The following NAV3 variants were observed in gnomAD, a reference collection of about 807,000 sequenced individuals.
The protein encoded by NAV3 is pore membrane and/or filament interacting like protein 1.
NAV3 carries 87 observed loss-of-function variants against 244.7 expected under a neutral mutation model. That is an observed-to-expected ratio of 0.36 (90% confidence interval 0.30 to 0.42). NAV3 has a LOEUF of 0.42. Among genes scored for constraint, NAV3 ranks in the 20% least tolerant of loss-of-function variants. The pLI is 1.00. For synonymous variants in NAV3, 1,126 were observed against 1,042.2 expected (o/e 1.08, Z -1.55); for missense variants, 2,663 against 2,893.3 (o/e 0.92, Z 1.83).
At chr12:77,759,783 G>C (rs567135631) in intron 2 of NAV3, among the ~76,000 whole-genome samples, 6 of 152,000 alleles carry the variant, frequency 3.9e-5, no homozygotes, top group Admixed American at 3.3e-4. Flanking sequence ...AACATTTCTG[G>C]ATCATATTCC....
intron 2 of NAV3, among the ~76,000 whole-genome samples, chr12:77,575,120 G>C (rs1007188037): frequency 1.3e-5 from 2 of 151,130 alleles, no homozygotes; most frequent in Admixed American, 1.3e-4. Context: ...AAAAGTGTTT[G>C]ACTTTATTGG....
intron 2 of NAV3, among the ~76,000 whole-genome samples, chr12:77,624,367 C>T (rs947572494): frequency 3.3e-5 from 5 of 152,102 alleles, no homozygotes; most frequent in Non-Finnish European, 5.9e-5. Context: ...AAGTGCCAAA[C>T]ACGTGGGAAC....
At chr12:77,977,661 A>C (rs1450939070) in intron 5 of NAV3, among the ~76,000 whole-genome samples, 1 of 151,318 alleles carries the variant, frequency 6.6e-6, no homozygotes, top group Non-Finnish European at 1.5e-5. Flanking sequence ...GAAAATCAAT[A>C]AGAGTGTTTA....
intron 2 of NAV3, among the ~76,000 whole-genome samples, chr12:77,663,953 A>G (rs938461048): frequency 2.6e-5 from 4 of 152,226 alleles, no homozygotes; most frequent in African/African-American, 9.6e-5. Context: ...TAAGCAATCA[A>G]TATATTTTTA....
At chr12:77,653,120 A>T (rs1343669029) in intron 2 of NAV3, among the ~76,000 whole-genome samples, 3 of 152,224 alleles carry the variant, frequency 2.0e-5, no homozygotes, top group African/African-American at 7.2e-5. Flanking sequence ...AAGAAGGGTT[A>T]CAGAATGCAA....
At chr12:78,135,318 T>C (rs1565703184) in intron 18 of NAV3, among the ~76,000 whole-genome samples, 1 of 152,202 alleles carries the variant, frequency 6.6e-6, no homozygotes, top group Admixed American at 6.5e-5. Flanking sequence ...GTTATTAACT[T>C]AATTGAACAC....
chr12:77,654,791 C>T (rs1185272065), intron 2 of NAV3, among the ~76,000 whole-genome samples: 3 of 150,652 alleles, frequency 2.0e-5, no homozygotes, highest in East Asian at 3.9e-4. Flanking sequence ...GCAGCATATT[C>T]GCGGTTCATG....
chr12:78,195,637 C>G (rs1959166690), intron 34 of NAV3, among the ~76,000 whole-genome samples: 1 of 151,990 alleles, frequency 6.6e-6, no homozygotes, highest in African/African-American at 2.4e-5. Flanking sequence ...CCACATGCCT[C>G]CTTTATCCTC....
intron 20 of NAV3, among the ~76,000 whole-genome samples, chr12:78,142,742 T>C (rs1211998215): frequency 8.1e-6 from 1 of 124,022 alleles, no homozygotes; most frequent in African/African-American, 3.0e-5. Flanking sequence ...TGTGTGTATA[T>C]ATATATTTAT....
chr12:77,695,834 C>T (rs143237846), intron 2 of NAV3, among the ~76,000 whole-genome samples: 79 of 152,172 alleles, frequency 5.2e-4, no homozygotes, highest in African/African-American at 1.9e-3. Context: ...AAATCCTACC[C>T]TCAGTGCCTC....
intron 8 of NAV3, among the ~76,000 whole-genome samples, chr12:78,011,883 A>G (rs779192168): frequency 6.6e-6 from 1 of 152,150 alleles, no homozygotes; most frequent in African/African-American, 2.4e-5. Context: ...CACGTCTTAC[A>G]TGGCAGCAGG....
chr12:77,784,639 AC>A (rs376630971), intron 2 of NAV3, among the ~76,000 whole-genome samples: 82 of 152,304 alleles, frequency 5.4e-4, no homozygotes, highest in African/African-American at 1.9e-3. Flanking sequence ...ATTCTGAATA[AC>A]AGCACATCAT....
chr12:78,124,507 G>A (rs1336455874), intron 16 of NAV3, among the ~76,000 whole-genome samples: 1 of 152,148 alleles, frequency 6.6e-6, no homozygotes, highest in East Asian at 1.9e-4. Flanking sequence ...AGGCTGGAGG[G>A]CAGTGGTGCC....
intron 2 of NAV3, among the ~76,000 whole-genome samples, chr12:77,804,482 G>C (rs1233393080): frequency 6.6e-6 from 1 of 152,144 alleles, no homozygotes; most frequent in Admixed American, 6.6e-5. Context: ...GATGGTTGTA[G>C]ATGGGTTGCA....
intron 4 of NAV3, among the ~76,000 whole-genome samples, chr12:77,966,666 G>C (rs2731419): frequency 0.99 from 150,515 of 152,146 alleles, 74,473 homozygotes; most frequent in Middle Eastern, 1. Flanking sequence ...TTTAATTAAG[G>C]CTTAAAATAT....
chr12:77,919,227 A>C (rs1887468875), intron 1 of NAV3, among the ~76,000 whole-genome samples: 1 of 152,088 alleles, frequency 6.6e-6, no homozygotes, highest in Admixed American at 6.6e-5. Flanking sequence ...ATCATGAATT[A>C]ATCTAAAGTG....
intron 7 of NAV3, among the ~76,000 whole-genome samples, chr12:78,004,503 A>G (rs1873867218): frequency 1.3e-5 from 2 of 152,240 alleles, no homozygotes; most frequent in South Asian, 2.1e-4. Context: ...TATTTTCCCC[A>G]TGCTGAGATT....
intron 5 of NAV3, among the ~76,000 whole-genome samples, chr12:77,992,207 TC>T (rs1871566701): frequency 6.6e-6 from 1 of 152,170 alleles, no homozygotes; most frequent in African/African-American, 2.4e-5. Flanking sequence ...TCATTTCAAT[TC>T]AAATATTCGA....
At position 78,051,076 on chromosome 12, in the gene NAV3, C is replaced by T. The variant is rs372264864; in HGVS notation, c.2445C>T (p.Val815=). The change falls in exon 11 of 40, where the codon GTC becomes GTT. Residue 815 remains valine, a synonymous_variant. Coordinates refer to ENST00000397909, the MANE Select transcript of NAV3 (RefSeq NM_001024383.2). ...ASSDLDMSSE[V]DVGGYMSDGD... ...GTGACCTGGACATGTCTTCTGAGGT[C>T]GATGTGGGTGGATATATGAGTGATG... 27 of 1,613,820 alleles carry T rather than the reference C, an allele frequency of 1.7e-5. No homozygotes were observed. The Admixed American group carries it at 2.0e-4, about 12-fold the overall frequency.
Sources: allele counts gnomAD v4.1 joint callset (sites outside exome capture counted in the v4.1 genomes callset), GRCh38; gene constraint gnomAD v4.1.1; transcripts MANE v1.5; gene names NCBI Gene and HGNC (gene_info 2026-07-23, HGNC 2026-07-21).